Variants in CACNB2 observed in about 807,000 individuals in gnomAD.
CACNB2 encodes the protein voltage-dependent L-type calcium channel subunit beta-2.
CACNB2 carries 42 observed loss-of-function variants against 73.3 expected under a neutral mutation model. That is an observed-to-expected ratio of 0.57 (90% CI 0.45 to 0.74). The LOEUF is 0.74. CACNB2 is among the 30% of genes least tolerant of loss of function. The pLI, the probability that CACNB2 is intolerant of heterozygous loss-of-function variation, is 0.00. For missense variants in CACNB2, 940 were observed against 853.0 expected (o/e 1.10, Z -1.27); for synonymous variants, 348 against 310.3 (o/e 1.12, Z -1.28).
chr10:18,358,346 C>A (rs1023354868), intron 2 of CACNB2, among the ~76,000 whole-genome samples: 4 of 152,214 alleles, frequency 2.6e-5, no homozygotes, highest in African/African-American at 9.6e-5. Flanking sequence ...CCTCAGACTC[C>A]CAGAGTCCTG....
rs555246743 is a variant in CACNB2, at chr10:18,429,377, A to C, written c.333+27334A>C. 2.0e-5 allele frequency among the ~76,000 whole-genome samples: 3 copies of C among 152,206 alleles called. No homozygotes were observed. In the South Asian group the frequency reaches 6.2e-4, roughly 32 times the overall value. ...CCATCCAGGTACTGGTTTATGTTTC[A>C]CTTTTTCCTGCTTCGGATTCATTGT... On this transcript the variant is annotated intron_variant, in intron 3 of 13. Transcript: ENST00000324631.
At chr10:18,172,854 T>C (rs1163009223) in intron 2 of CACNB2, among the ~76,000 whole-genome samples, 7 of 151,160 alleles carry the variant, frequency 4.6e-5, no homozygotes, top group African/African-American at 1.5e-4. Flanking sequence ...TCTTTAGTCA[T>C]CACACATTGG....
chr10:18,313,527 C>T (rs947920504), intron 2 of CACNB2, among the ~76,000 whole-genome samples: 2 of 152,038 alleles, frequency 1.3e-5, no homozygotes, highest in Non-Finnish European at 1.5e-5. Flanking sequence ...CTTCTCTGAA[C>T]TCAGTTCCTA....
At chr10:18,305,882 C>T (rs901183276) in intron 2 of CACNB2, among the ~76,000 whole-genome samples, 2 of 152,100 alleles carry the variant, frequency 1.3e-5, no homozygotes, top group Non-Finnish European at 1.5e-5. Context: ...GTGGGAGGAT[C>T]GCTTGAGCCC....
chr10:18,466,761 T>A (rs1431307395), intron 3 of CACNB2, among the ~76,000 whole-genome samples: 2 of 152,170 alleles, frequency 1.3e-5, no homozygotes, highest in African/African-American at 4.8e-5. Context: ...GACCCACAAC[T>A]ATTAGAAATA....
intron 3 of CACNB2, among the ~76,000 whole-genome samples, chr10:18,452,541 C>A (rs533395864): frequency 3.3e-5 from 5 of 152,160 alleles, no homozygotes; most frequent in Non-Finnish European, 7.4e-5. Context: ...CAAGGTTGAC[C>A]TTTTTTAATT....
intron 2 of CACNB2, among the ~76,000 whole-genome samples, chr10:18,227,469 A>G (rs1412680947): frequency 6.6e-6 from 1 of 152,168 alleles, no homozygotes; most frequent in Non-Finnish European, 1.5e-5. Context: ...AAGCGCAGAG[A>G]TGGGGGTACT....
chr10:18,379,162 A>G lies in CACNB2; in HGVS notation c.214-22762A>G, dbSNP rs115083629. Among the ~76,000 whole-genome samples, 1,302 of 152,322 alleles carry G rather than the reference A, an allele frequency of 8.5e-3. 23 individuals carry two copies. The highest frequency in any genetic ancestry group is 0.029 in the African/African-American group (1,225 of 41,564). ...AAAAATTATTTTATTGTGGCAAAAC[A>G]TACATAATATAAAATTTGCCATTTT... On this transcript the variant is annotated intron_variant, in intron 2 of 13. Transcript: ENST00000324631.
At chr10:18,237,241 G>C (rs1435286836) in intron 2 of CACNB2, among the ~76,000 whole-genome samples, 1 of 152,152 alleles carries the variant, frequency 6.6e-6, no homozygotes, top group Admixed American at 6.5e-5. Flanking sequence ...CAGTACTTAT[G>C]AATGTAATCT....
chr10:18,383,060 GTTATA>G (rs2043084137), intron 2 of CACNB2, among the ~76,000 whole-genome samples: 3 of 152,134 alleles, frequency 2.0e-5, no homozygotes, highest in Non-Finnish European at 2.9e-5. Context: ...AAATATGCAT[GTTATA>G]TTATATGTGA....
chr10:18,506,806 A>T (rs1330072955), intron 6 of CACNB2, among the ~76,000 whole-genome samples: 2 of 151,970 alleles, frequency 1.3e-5, no homozygotes, highest in Non-Finnish European at 2.9e-5. Flanking sequence ...TTATTTATTT[A>T]TTTATTTTTT....
chr10:18,378,624 G>A lies in CACNB2; in HGVS notation c.214-23300G>A, dbSNP rs190882525. Among the ~76,000 whole-genome samples the A allele has an allele frequency of 1.8e-3, 277 of 152,240 alleles. 4 individuals are homozygous for A. Among genetic ancestry groups the A allele is most frequent in the Non-Finnish European group, 2.2e-4 (15 of 68,030 alleles). On this transcript the variant is annotated intron_variant, in intron 2 of 13. Transcript: ENST00000324631. ...AAATTATACAGGAGTGGTGGTGTGCGTCTGTGATCCCAGCTACTCGGGAGG... is the reference window on the plus strand; with the variant it reads ...AAATTATACAGGAGTGGTGGTGTGCATCTGTGATCCCAGCTACTCGGGAGG...
chr10:18,295,066 G>A (rs182663720), intron 2 of CACNB2, among the ~76,000 whole-genome samples: 22 of 152,234 alleles, frequency 1.4e-4, no homozygotes, highest in African/African-American at 4.3e-4. Flanking sequence ...TTTTTTTACC[G>A]ATATTGAGGC....
chr10:18,279,637 A>G (rs1329742301), intron 2 of CACNB2, among the ~76,000 whole-genome samples: 1 of 152,270 alleles, frequency 6.6e-6, no homozygotes, highest in African/African-American at 2.4e-5. Context: ...TTACTAAATC[A>G]TCCAAAGAGA....
chr10:18,409,015 G>A (rs948313446), intron 3 of CACNB2, among the ~76,000 whole-genome samples: 32 of 150,730 alleles, frequency 2.1e-4, no homozygotes, highest in African/African-American at 6.9e-4. Flanking sequence ...ACCATGCCTC[G>A]CTAACATTTT....
At chr10:18,451,862 C>G (rs2047037415) in intron 3 of CACNB2, among the ~76,000 whole-genome samples, 1 of 152,184 alleles carries the variant, frequency 6.6e-6, no homozygotes, top group African/African-American at 2.4e-5. Flanking sequence ...AATGTCATAG[C>G]TTACATCTAG....
intron 2 of CACNB2, among the ~76,000 whole-genome samples, chr10:18,272,887 T>C (rs1309451677): frequency 6.6e-6 from 1 of 152,186 alleles, no homozygotes; most frequent in Non-Finnish European, 1.5e-5. Flanking sequence ...GTGTGTACTT[T>C]GGGTCACTAG....
At chr10:18,152,709 CA>C (rs772732675) in intron 2 of CACNB2, among the ~76,000 whole-genome samples, 923 of 49,368 alleles carry the variant, frequency 0.019, 11 homozygotes, top group African/African-American at 0.064. Context: ...TGAAACAGAC[CA>C]AAAAAAAAAA....
chr10:18,359,388 C>A (rs1254310179), intron 2 of CACNB2, among the ~76,000 whole-genome samples: 1 of 152,176 alleles, frequency 6.6e-6, no homozygotes, highest in African/African-American at 2.4e-5. Flanking sequence ...TCTCCCACCT[C>A]AGCCTCCAGA....
Sources: allele counts gnomAD v4.1 joint callset (sites outside exome capture counted in the v4.1 genomes callset), GRCh38; gene constraint gnomAD v4.1.1; transcripts MANE v1.5; gene names NCBI Gene and HGNC (gene_info 2026-07-23, HGNC 2026-07-21).